SLC25A26: variants seen among roughly 807,000 people sequenced by gnomAD.
The protein encoded by SLC25A26 is solute carrier family 25 member 26.
SLC25A26 carries 36 observed loss-of-function variants against 37.8 expected under a neutral mutation model. The observed-to-expected ratio is 0.95, with a 90% confidence interval of 0.73 to 1.26. SLC25A26 has a LOEUF of 1.26. Among genes scored for constraint, SLC25A26 ranks in the 50% most tolerant of loss-of-function variants. The probability of loss-of-function intolerance (pLI) is 0.00; values close to 1 mark genes in which losing one functional copy is unlikely to be tolerated. For synonymous variants in SLC25A26, 129 were observed against 122.5 expected, an observed-to-expected ratio of 1.05 and a Z score of -0.35; for missense variants, 390 against 331.1, an observed-to-expected ratio of 1.18 and a Z score of -1.38.
chr3:66,160,894 C>T (rs796543751), intron 1 of SLC25A26, among the ~76,000 whole-genome samples: 7 of 152,068 alleles, frequency 4.6e-5, no homozygotes, highest in African/African-American at 1.7e-4. Context: ...GAGATCATAC[C>T]ACTGCACTCC....
intron 5 of SLC25A26, among the ~76,000 whole-genome samples, chr3:66,336,087 T>A (rs1488060000): frequency 6.6e-6 from 1 of 152,246 alleles, no homozygotes; most frequent in Non-Finnish European, 1.5e-5. Flanking sequence ...ATGATTTGAA[T>A]ATTAGATGAG....
In SLC25A26 at chr3:66,142,585, A is replaced by G. The variant is rs77092289; in HGVS notation, c.-354+8601A>G. Reference sequence around the variant, plus strand: ...AACCTGAACAAACAGGCCTTGCTAAATTCTCCCTAGTTGATTACTATCAGT... The same window carrying G: ...AACCTGAACAAACAGGCCTTGCTAAGTTCTCCCTAGTTGATTACTATCAGT... On this transcript the variant is annotated intron_variant, in intron 1 of 10. Coordinates refer to the SLC25A26 transcript ENST00000676754. Among the ~76,000 whole-genome samples, 5 of 152,256 alleles carry G rather than the reference A, an allele frequency of 3.3e-5. No individual in the cohort carries two copies. In the East Asian group the frequency reaches 7.7e-4, roughly 24 times the overall value.
chr3:66,145,757 TAAAG>T (rs2070106072), intron 1 of SLC25A26, among the ~76,000 whole-genome samples: 1 of 152,208 alleles, frequency 6.6e-6, no homozygotes, highest in African/African-American at 2.4e-5. Context: ...TTATGACAGT[TAAAG>T]AAAATCGCTG....
intron 5 of SLC25A26, among the ~76,000 whole-genome samples, chr3:66,301,485 G>T (rs1486884322): frequency 6.6e-6 from 1 of 152,158 alleles, no homozygotes; most frequent in South Asian, 2.1e-4. Context: ...TGTGACTTCT[G>T]CATCTGTTTG....
chr3:66,193,971 A>G (rs2070994951), intron 1 of SLC25A26, among the ~76,000 whole-genome samples: 1 of 152,206 alleles, frequency 6.6e-6, no homozygotes, highest in South Asian at 2.1e-4. Flanking sequence ...GTGCCTCAAC[A>G]CTTGAAAATG....
At chr3:66,283,828 C>CT (rs1238819071) in intron 5 of SLC25A26, among the ~76,000 whole-genome samples, 3 of 152,186 alleles carry the variant, frequency 2.0e-5, no homozygotes, top group African/African-American at 7.2e-5. Flanking sequence ...CTATAAGACT[C>CT]TAAGTTTAGA....
At chr3:66,312,223 C>T (rs568787220) in intron 5 of SLC25A26, among the ~76,000 whole-genome samples, 63 of 152,196 alleles carry the variant, frequency 4.1e-4, no homozygotes, top group Non-Finnish European at 5.6e-4. Context: ...AGTCTGGCTA[C>T]TGTGGCTTTG....
chr3:66,267,340 A>G (rs1382916639), intron 5 of SLC25A26, among the ~76,000 whole-genome samples: 1 of 152,196 alleles, frequency 6.6e-6, no homozygotes, highest in Non-Finnish European at 1.5e-5. Flanking sequence ...TTGAAGCAGA[A>G]TTGGGGTTTT....
chr3:66,273,050 C>T (rs949005465), intron 5 of SLC25A26, among the ~76,000 whole-genome samples: 2 of 151,956 alleles, frequency 1.3e-5, no homozygotes, highest in African/African-American at 2.4e-5. Flanking sequence ...GTTGAGATAA[C>T]CATGTGGTTT....
At chr3:66,208,870 G>GTGTGTATATATATATA (rs1364331517) in intron 1 of SLC25A26, among the ~76,000 whole-genome samples, 10 of 55,902 alleles carry the variant, frequency 1.8e-4, no homozygotes, top group Admixed American at 4.1e-4. Context: ...ATGGGTGTGT[G>GTGTGTATATATATATA]TATATATATA....
intron 5 of SLC25A26, among the ~76,000 whole-genome samples, chr3:66,335,429 A>G (rs1020327531): frequency 6.6e-6 from 1 of 152,162 alleles, no homozygotes; most frequent in Admixed American, 6.5e-5. Flanking sequence ...TCCTTTTTGT[A>G]TATAATTGAT....
intron 1 of SLC25A26, among the ~76,000 whole-genome samples, chr3:66,193,211 T>C (rs1277494663): frequency 6.6e-6 from 1 of 152,194 alleles, no homozygotes; most frequent in Non-Finnish European, 1.5e-5. Flanking sequence ...TTTATATTTG[T>C]ATGTCTTGAT....
chr3:66,151,183 A>G (rs984800106), intron 1 of SLC25A26, among the ~76,000 whole-genome samples: 1 of 152,142 alleles, frequency 6.6e-6, no homozygotes, highest in Non-Finnish European at 1.5e-5. Context: ...ACGATGTTAC[A>G]TGTAGTTCCT....
At chr3:66,262,005 A>G (rs780867554) in intron 3 of SLC25A26, 46 bp from the exon 4 acceptor site, 18 of 1,181,638 alleles carry the variant, frequency 1.5e-5, no homozygotes, top group Non-Finnish European at 2.1e-5. Context: ...TTCAATTTTT[A>G]TAGCAGTTAT....
chr3:66,181,713 T>G (rs986337240), intron 1 of SLC25A26, among the ~76,000 whole-genome samples: 8 of 151,784 alleles, frequency 5.3e-5, no homozygotes, highest in African/African-American at 1.9e-4. Flanking sequence ...TGACTCCAAC[T>G]TCAGTGCTTT....
intron 5 of SLC25A26, among the ~76,000 whole-genome samples, chr3:66,331,903 C>G (rs929578959): frequency 6.6e-6 from 1 of 152,038 alleles, no homozygotes; most frequent in Non-Finnish European, 1.5e-5. Flanking sequence ...TTTCCCCACA[C>G]CCAGCCAAAA....
rs72902917 is a variant in SLC25A26 at position 66,285,027 on chromosome 3, C to G, written c.453+21648C>G. On this transcript the variant is annotated intron_variant, in intron 5 of 9. Coordinates refer to ENST00000354883, the MANE Select transcript of SLC25A26 (RefSeq NM_001379210.1). Reference sequence around the variant, plus strand: ...ACCACAATTAAGGATAGTACCAACTCTGGGAAGAAGGATGAACTTTTGCTG... The same window carrying G: ...ACCACAATTAAGGATAGTACCAACTGTGGGAAGAAGGATGAACTTTTGCTG... Among the ~76,000 whole-genome samples the G allele has an allele frequency of 5.5e-3, 832 of 152,208 alleles. 7 individuals carry two copies. Among genetic ancestry groups the G allele is most frequent in the African/African-American group, 0.018 (747 of 41,530 alleles).
At chr3:66,371,589 C>A (rs1485742699) in intron 9 of SLC25A26, among the ~76,000 whole-genome samples, 1 of 152,086 alleles carries the variant, frequency 6.6e-6, no homozygotes, top group Non-Finnish European at 1.5e-5. Flanking sequence ...AGAACTGGGG[C>A]AAAGCCAGAG....
At chr3:66,239,556 A>G (rs1169049839) in intron 2 of SLC25A26, among the ~76,000 whole-genome samples, 1 of 152,120 alleles carries the variant, frequency 6.6e-6, no homozygotes, top group Non-Finnish European at 1.5e-5. Flanking sequence ...CTTTTTCTAA[A>G]ATTATCAAAC....
Sources: allele counts gnomAD v4.1 joint callset (sites outside exome capture counted in the v4.1 genomes callset), GRCh38; gene constraint gnomAD v4.1.1; transcripts MANE v1.5; gene names NCBI Gene and HGNC (gene_info 2026-07-23, HGNC 2026-07-21).